Variants in PHF2 observed in about 807,000 individuals in gnomAD.
PHF2 encodes the protein lysine-specific demethylase PHF2.
PHF2 carries 27 observed loss-of-function variants against 120.5 expected under a neutral mutation model. That is an observed-to-expected ratio of 0.22 (90% CI 0.17 to 0.31). The LOEUF (loss-of-function observed/expected upper bound fraction) is 0.31, where lower values mean the gene tolerates loss of function less well. PHF2 is among the 10% of genes least tolerant of loss of function. The probability of loss-of-function intolerance (pLI) is 1.00; values close to 1 mark genes in which losing one functional copy is unlikely to be tolerated. For synonymous variants in PHF2, 568 were observed against 592.5 expected, an observed-to-expected ratio of 0.96 and a Z score of 0.60; for missense variants, 1,024 against 1,434.8, an observed-to-expected ratio of 0.71 and a Z score of 4.63.
At chr9:93,616,651 ATT>A (rs34471538) in intron 1 of PHF2, among the ~76,000 whole-genome samples, 362 of 146,584 alleles carry the variant, frequency 2.5e-3, no homozygotes, top group African/African-American at 8.2e-3. Context: ...TTCTCCTATA[ATT>A]TTTTTTTTTT....
intron 1 of PHF2, among the ~76,000 whole-genome samples, chr9:93,591,599 A>C (rs1488897049): frequency 6.6e-6 from 1 of 152,104 alleles, no homozygotes; most frequent in African/African-American, 2.4e-5. Context: ...CCTTACACTG[A>C]ATTTTTTTCT....
At chr9:93,639,674 A>G (rs910116978) in intron 3 of PHF2, among the ~76,000 whole-genome samples, 1 of 152,130 alleles carries the variant, frequency 6.6e-6, no homozygotes, top group Non-Finnish European at 1.5e-5. Context: ...TGCCACACCC[A>G]AGGGAGAGCT....
chr9:93,624,687 G>GTGC (rs1825880882), intron 1 of PHF2, among the ~76,000 whole-genome samples: 1 of 150,644 alleles, frequency 6.6e-6, no homozygotes, highest in Admixed American at 6.6e-5. Flanking sequence ...GATGATGATG[G>GTGC]TGGTGGCGAT....
intron 5 of PHF2, 143 bp from the exon 6 acceptor site, chr9:93,653,036 C>G: frequency 1.4e-6 from 1 of 701,798 alleles, no homozygotes. Context: ...CCTGTTTGCT[C>G]CTCTGTGAAA....
At chr9:93,646,283 C>A (rs1826258738) in intron 4 of PHF2, among the ~76,000 whole-genome samples, 1 of 152,252 alleles carries the variant, frequency 6.6e-6, no homozygotes, top group Non-Finnish European at 1.5e-5. Flanking sequence ...CCCCTTGCAG[C>A]TCCAGAGCTA....
intron 3 of PHF2, among the ~76,000 whole-genome samples, chr9:93,638,180 A>G (rs1219896448): frequency 1.3e-5 from 2 of 151,894 alleles, no homozygotes; most frequent in Non-Finnish European, 2.9e-5. Flanking sequence ...CATTCTAGAT[A>G]CAAGCCCCAT....
Position 93,607,118 on chromosome 9 carries a change from G to T in PHF2, c.99-22852G>T, listed in dbSNP as rs540199753. Among the ~76,000 whole-genome samples, 11 of 152,264 alleles carry T rather than the reference G, an allele frequency of 7.2e-5. No individual in the cohort carries two copies. In the South Asian group the frequency reaches 1.2e-3, roughly 17 times the overall value. ...CTTGATTACTGTAGCTTCATAGGAGGCCTCAAAGTCATGGAGTGTCAGTCC... is the reference window on the plus strand; with the variant it reads ...CTTGATTACTGTAGCTTCATAGGAGTCCTCAAAGTCATGGAGTGTCAGTCC... On this transcript the variant is annotated intron_variant, in intron 1 of 21. Transcript: ENST00000359246.
chr9:93,638,062 C>T (rs1027465044), intron 3 of PHF2, among the ~76,000 whole-genome samples: 115 of 151,756 alleles, frequency 7.6e-4, no homozygotes, highest in Non-Finnish European at 1.3e-4. Flanking sequence ...ATGAGCTTGT[C>T]GATCCTTGTA....
intron 1 of PHF2, among the ~76,000 whole-genome samples, chr9:93,586,594 G>T (rs926809713): frequency 6.6e-6 from 1 of 152,358 alleles, no homozygotes; most frequent in Middle Eastern, 3.4e-3. Flanking sequence ...TCCTGGCTGC[G>T]CTTGGCAGCT....
At position 93,660,545 on chromosome 9, in the gene PHF2, G is replaced by A. The variant is rs375607589; in HGVS notation, c.1683G>A (p.Pro561=). The change falls in exon 12 of 22, where the codon CCG becomes CCA. Residue 561 remains proline (P), a synonymous_variant. Coordinates refer to ENST00000359246, the MANE Select transcript of PHF2 (RefSeq NM_005392.4). ...AGGAGGCACTGACCAAGATGGAGCCGCCCAAGAAGGGCAAGGTGGGACCCC... is the reference window on the plus strand; with the variant it reads ...AGGAGGCACTGACCAAGATGGAGCCACCCAAGAAGGGCAAGGTGGGACCCC... The part of the protein sequence containing the change: ...HTKEALTKME[P]PKKGKATKSV... 2.2e-5 allele frequency: 35 copies of A among 1,566,260 alleles called. No homozygotes were observed. In the East Asian group the frequency reaches 2.5e-4, roughly 11 times the overall value.
intron 14 of PHF2, 63 bp from the exon 15 acceptor site, chr9:93,665,623 T>G (rs1376049077): frequency 6.4e-7 from 1 of 1,568,086 alleles, no homozygotes; most frequent in Admixed American, 1.8e-5. Flanking sequence ...CCTCGGGAGG[T>G]CCTACCTGTC....
intron 1 of PHF2, among the ~76,000 whole-genome samples, chr9:93,618,798 T>TGTGGTGTGTTTCTG (rs1825770238): frequency 6.8e-6 from 1 of 146,316 alleles, no homozygotes; most frequent in East Asian, 2.3e-4. Flanking sequence ...ATCTGTGTAT[T>TGTGGTGTGTTTCTG]TCTGTGTATG....
At chr9:93,673,977 A>C in intron 18 of PHF2, 115 bp downstream of exon 18, 29 of 1,198,602 alleles carry the variant, frequency 2.4e-5, no homozygotes, top group Non-Finnish European at 3.2e-5. Flanking sequence ...GCCTCAGCTC[A>C]GCAAAACCCT....
chr9:93,603,493 T>A (rs1825483707), intron 1 of PHF2, among the ~76,000 whole-genome samples: 1 of 152,054 alleles, frequency 6.6e-6, no homozygotes, highest in South Asian at 2.1e-4. Flanking sequence ...GGGTCACTGT[T>A]CCCCTCTGGG....
In PHF2 at chr9:93,649,211, C is replaced by T. The variant is rs1484703329; in HGVS notation, c.601C>T (p.Arg201Ter). The T allele has an allele frequency of 8.0e-7, 1 of 1,257,328 alleles. No homozygotes were observed. Among genetic ancestry groups the T allele is most frequent in the East Asian group, 5.2e-5 (1 of 19,400 alleles). 77.9% of individuals were successfully genotyped at this position (1,257,328 alleles called of 1,614,324 possible). A position where few individuals can be genotyped will look rare whatever the true frequency, so the allele number is the denominator to read the frequency against. ...NVTNLEFSDT[R>*]MSSFVEPPDI... ...CACCAACCTCGAGTTCTCTGACACC[C>T]GGTGAGTGCTACCACCCTGGGGGTG... is the stretch of plus-strand genomic sequence containing the variant. The change falls in exon 5 of 22, where the codon CGA becomes TGA. Residue 201 changes from arginine (R) to a stop codon, truncating the protein, a stop_gained and splice_region_variant. Coordinates refer to ENST00000359246, the MANE Select transcript of PHF2 (RefSeq NM_005392.4). LOFTEE classifies it high-confidence loss of function.
Position 93,677,552 on chromosome 9 carries a change from C to G in PHF2, c.3203-36C>G. ...GCCACGCCCCTTGCCATCTAGCTTACCTTCCCTTTTTGTGTCCCCTCCCCG... is the reference window on the plus strand; with the variant it reads ...GCCACGCCCCTTGCCATCTAGCTTAGCTTCCCTTTTTGTGTCCCCTCCCCG... On this transcript the variant is annotated intron_variant, in intron 21 of 21. Transcript: ENST00000359246. This position sits in a 1 kb window ranked among gnomAD's most constrained non-coding sequence, Gnocchi z 4.4. 1 of 1,564,096 alleles carries G rather than the reference C, an allele frequency of 6.4e-7. No homozygotes were observed. Among genetic ancestry groups the G allele is most frequent in the Non-Finnish European group, 8.8e-7 (1 of 1,135,892 alleles).
At chr9:93,582,843 T>C (rs992026426) in intron 1 of PHF2, among the ~76,000 whole-genome samples, 3 of 152,242 alleles carry the variant, frequency 2.0e-5, no homozygotes, top group African/African-American at 7.2e-5. Context: ...TGTTTGCTTT[T>C]ATTGAAAATA....
chr9:93,606,042 C>G (rs1825537332), intron 1 of PHF2, among the ~76,000 whole-genome samples: 1 of 151,952 alleles, frequency 6.6e-6, no homozygotes, highest in Non-Finnish European at 1.5e-5. Flanking sequence ...GGCGTGATCT[C>G]AGCTCACTGC....
chr9:93,643,559 A>G (rs1047885576), intron 3 of PHF2, among the ~76,000 whole-genome samples: 2 of 152,160 alleles, frequency 1.3e-5, no homozygotes, highest in African/African-American at 4.8e-5. Flanking sequence ...CTCTTGGCAA[A>G]ATTAGGCATT....
Sources: gnomAD v4.1 joint callset for allele counts (sites outside exome capture counted in the v4.1 genomes callset) on GRCh38, gnomAD v4.1.1 for gene constraint, Gnocchi (gnomAD v3.1) non-coding constraint, MANE v1.5 for transcripts, NCBI Gene and HGNC (gene_info 2026-07-23, HGNC 2026-07-21) for gene names.